Variants in ANO2 observed in about 807,000 individuals in gnomAD.
ANO2 encodes anoctamin-2.
In ANO2, 101 loss-of-function variants were observed where a neutral mutation model predicts 124.2. The observed-to-expected ratio is 0.81, with a 90% CI of 0.69 to 0.96. The LOEUF is 0.96. Ranked by LOEUF, ANO2 falls within the 40% of genes least tolerant of loss-of-function variation. The pLI is 0.00. For missense variants in ANO2, 1,293 were observed against 1,274.5 expected (o/e 1.01, Z -0.22); for synonymous variants, 486 against 482.5 (o/e 1.01, Z -0.09).
chr12:5,635,065 C>A lies in ANO2; in HGVS notation c.1816+87G>T. On this transcript the variant is annotated intron_variant, in intron 16 of 24. Transcript: ENST00000682330. The surrounding 1 kb of genome is among the most constrained non-coding windows in gnomAD (Gnocchi z 5.2). The stretch of plus-strand genomic sequence containing the variant: ...CTGTACAAAGCATCCTGTCCCTGTC[C>A]CATTTTTTTTATTTTATCACCAAAA... 1 of 1,210,478 alleles carries A rather than the reference C, an allele frequency of 8.3e-7. No individual in the cohort carries two copies. Among genetic ancestry groups the A allele is most frequent in the Non-Finnish European group, 1.1e-6 (1 of 896,096 alleles). 75.0% of individuals were successfully genotyped at this position (1,210,478 alleles called of 1,614,324 possible). A position where few individuals can be genotyped will look rare whatever the true frequency, so the allele number is the denominator to read the frequency against.
chr12:5,642,873 T>G (rs1946451556), intron 15 of ANO2, among the ~76,000 whole-genome samples: 4 of 152,194 alleles, frequency 2.6e-5, no homozygotes, highest in Admixed American at 2.6e-4. Context: ...TTGCTCCCCT[T>G]GGGCTTTTTC....
intron 10 of ANO2, among the ~76,000 whole-genome samples, chr12:5,781,460 A>C (rs747119997): frequency 1.3e-5 from 2 of 152,198 alleles, no homozygotes; most frequent in Non-Finnish European, 2.9e-5. Flanking sequence ...AGATTGACAA[A>C]GTTCTATCTC....
intron 12 of ANO2, 58 bp downstream of exon 12, chr12:5,744,099 T>C: frequency 1.3e-6 from 2 of 1,599,554 alleles, no homozygotes; most frequent in African/African-American, 2.7e-5. Flanking sequence ...TACAGCTTGG[T>C]CACTGTGCCC....
At chr12:5,783,447 T>C (rs1019273507) in intron 10 of ANO2, among the ~76,000 whole-genome samples, 2 of 152,148 alleles carry the variant, frequency 1.3e-5, no homozygotes, top group South Asian at 4.1e-4. Flanking sequence ...TCATAATCTC[T>C]ACCCCTAGGG....
Position 5,794,496 on chromosome 12 carries a change from C to G in ANO2, c.1055+5011G>C, listed in dbSNP as rs534283433. On this transcript the variant is annotated intron_variant, in intron 10 of 24. Transcript: ENST00000682330. ...AAATCCTTATACAGGGCAGTCCAGG[C>G]TGGTTACAAAGACACACTCTTTCAC... Among the ~76,000 whole-genome samples the G allele has an allele frequency of 1.5e-3, 235 of 152,314 alleles. 1 individual carries two copies. The highest frequency in any genetic ancestry group is 3.4e-3 in the Middle Eastern group (1 of 294).
chr12:5,771,147 G>A (rs1952066838), intron 10 of ANO2, among the ~76,000 whole-genome samples: 1 of 152,232 alleles, frequency 6.6e-6, no homozygotes, highest in Non-Finnish European at 1.5e-5. Context: ...TTAGTGCCTA[G>A]AATGTGCTTG....
chr12:5,847,782 C>A (rs1279311333), intron 4 of ANO2, among the ~76,000 whole-genome samples: 1 of 152,196 alleles, frequency 6.6e-6, no homozygotes, highest in Non-Finnish European at 1.5e-5. Context: ...TGCTTTCTAA[C>A]TGGAATTCTA....
At position 5,612,959 on chromosome 12, in the gene ANO2, C is replaced by G. The variant is rs1409635285; in HGVS notation, c.1929-1G>C. ...GTAGCTTCCAGGCCTGCCCACAAACCTGAAATCAAACAGTGTGGGAAGAGT... is the reference window on the plus strand; with the variant it reads ...GTAGCTTCCAGGCCTGCCCACAAACGTGAAATCAAACAGTGTGGGAAGAGT... On this transcript the variant is annotated splice_acceptor_variant, in intron 17 of 24. Transcript: ENST00000682330. LOFTEE classifies it high-confidence loss of function. 1 of 1,613,800 alleles carries G rather than the reference C, an allele frequency of 6.2e-7. No individual in the cohort carries two copies. The highest frequency in any genetic ancestry group is 2.2e-5 in the East Asian group (1 of 44,890).
At chr12:5,761,780 G>A (rs771117580) in intron 10 of ANO2, among the ~76,000 whole-genome samples, 2 of 152,110 alleles carry the variant, frequency 1.3e-5, no homozygotes, top group Non-Finnish European at 2.9e-5. Flanking sequence ...TGACTTGTGT[G>A]CTCTTTGGTA....
chr12:5,791,739 C>T (rs1427836169), intron 10 of ANO2, among the ~76,000 whole-genome samples: 1 of 152,178 alleles, frequency 6.6e-6, no homozygotes, highest in East Asian at 1.9e-4. Context: ...ACCCACTTCA[C>T]AGGGTTGCTG....
intron 1 of ANO2, among the ~76,000 whole-genome samples, chr12:5,929,270 A>C (rs1239745173): frequency 2.8e-5 from 3 of 108,334 alleles, no homozygotes; most frequent in Non-Finnish European, 3.7e-5. Flanking sequence ...TTCTTTCCTT[A>C]CTCGTCTGCC....
chr12:5,823,390 A>T (rs1477151159), intron 7 of ANO2, among the ~76,000 whole-genome samples: 4 of 152,244 alleles, frequency 2.6e-5, no homozygotes, highest in Admixed American at 2.6e-4. Context: ...TATTTGGTAA[A>T]TACAGCCATT....
intron 10 of ANO2, among the ~76,000 whole-genome samples, chr12:5,778,754 G>T (rs1208071642): frequency 6.6e-6 from 1 of 152,174 alleles, no homozygotes; most frequent in African/African-American, 2.4e-5. Context: ...GCCAAATAAG[G>T]TATGTGTCAT....
intron 23 of ANO2, among the ~76,000 whole-genome samples, chr12:5,573,683 C>A (rs7955572): frequency 2.1e-4 from 32 of 152,348 alleles, no homozygotes; most frequent in African/African-American, 7.5e-4. Flanking sequence ...GTATGAGAGT[C>A]AGACTCTTTA....
At chr12:5,878,205 G>A (rs1938238022) in intron 3 of ANO2, among the ~76,000 whole-genome samples, 1 of 152,244 alleles carries the variant, frequency 6.6e-6, no homozygotes, top group Non-Finnish European at 1.5e-5. Flanking sequence ...AAACCAGATT[G>A]TGCGTGATGT....
At chr12:5,814,263 TC>T (rs1327919970) in intron 7 of ANO2, among the ~76,000 whole-genome samples, 4 of 152,268 alleles carry the variant, frequency 2.6e-5, no homozygotes, top group Admixed American at 1.3e-4. Flanking sequence ...TCCCTGCCAA[TC>T]CCTTTGTAAA....
At chr12:5,832,381 G>A (rs1484957593) in intron 5 of ANO2, 71 bp downstream of exon 5, 1 of 1,581,048 alleles carries the variant, frequency 6.3e-7, no homozygotes, top group Non-Finnish European at 8.6e-7. Flanking sequence ...CCAGGGCTGA[G>A]TCATAGAACA....
intron 10 of ANO2, among the ~76,000 whole-genome samples, chr12:5,783,642 G>A (rs899327750): frequency 3.3e-5 from 5 of 152,164 alleles, no homozygotes; most frequent in African/African-American, 1.2e-4. Flanking sequence ...GAGAAGATGG[G>A]GCCACCCTTG....
intron 3 of ANO2, among the ~76,000 whole-genome samples, chr12:5,913,879 T>G (rs1941209032): frequency 6.6e-6 from 1 of 152,238 alleles, no homozygotes; most frequent in Admixed American, 6.5e-5. Flanking sequence ...CCCCGACCTC[T>G]TCCTGAAAAG....
Sources: gnomAD v4.1 joint callset for allele counts (sites outside exome capture counted in the v4.1 genomes callset) on GRCh38, gnomAD v4.1.1 for gene constraint, Gnocchi (gnomAD v3.1) non-coding constraint, MANE v1.5 for transcripts, NCBI Gene and HGNC (gene_info 2026-07-23, HGNC 2026-07-21) for gene names.